Variants in RNF216 observed in about 807,000 individuals in gnomAD.
RNF216 encodes the protein ring finger protein 216, also known as E3 ubiquitin-protein ligase RNF216.
Under a neutral mutation model 110.8 loss-of-function variants are expected in RNF216, and 72 were observed. The observed-to-expected ratio is 0.65, with a 90% CI of 0.54 to 0.79. RNF216 has a LOEUF of 0.79. Among genes scored for constraint, RNF216 ranks in the 30% least tolerant of loss-of-function variants. The pLI, the probability that RNF216 is intolerant of heterozygous loss-of-function variation, is 0.00. For synonymous variants in RNF216, 495 were observed against 407.5 expected, an observed-to-expected ratio of 1.21 and a Z score of -2.59; for missense variants, 1,342 against 1,141.2, an observed-to-expected ratio of 1.18 and a Z score of -2.54.
intron 8 of RNF216, among the ~76,000 whole-genome samples, chr7:5,723,244 C>T (rs567859599): frequency 3.8e-4 from 58 of 152,258 alleles, no homozygotes; most frequent in Non-Finnish European, 7.2e-4. Flanking sequence ...ATTATCAATG[C>T]TACAAATTAA....
At chr7:5,751,978 G>T (rs1017488258) in intron 3 of RNF216, among the ~76,000 whole-genome samples, 3 of 152,000 alleles carry the variant, frequency 2.0e-5, no homozygotes, top group Non-Finnish European at 4.4e-5. Context: ...ACGAGGTCAG[G>T]AGTTCAAGAC....
At chr7:5,630,267 T>A (rs1786990423) in intron 15 of RNF216, among the ~76,000 whole-genome samples, 2 of 152,066 alleles carry the variant, frequency 1.3e-5, no homozygotes, top group Non-Finnish European at 2.9e-5. Flanking sequence ...CGGGAAGAAC[T>A]ACAACTCTGG....
intron 6 of RNF216, 103 bp downstream of exon 6, chr7:5,730,612 T>C: frequency 1.9e-6 from 3 of 1,552,998 alleles, no homozygotes; most frequent in Non-Finnish European, 1.7e-6. Context: ...TAAAAACTTG[T>C]CCCAACAAAG....
chr7:5,643,748 G>A (rs746311396), intron 14 of RNF216, among the ~76,000 whole-genome samples: 2 of 152,102 alleles, frequency 1.3e-5, no homozygotes, highest in Admixed American at 6.5e-5. Context: ...GAGTATTCAC[G>A]ATGTTATACA....
intron 1 of RNF216, among the ~76,000 whole-genome samples, chr7:5,764,293 A>C (rs1489899095): frequency 6.6e-6 from 1 of 152,128 alleles, no homozygotes; most frequent in Non-Finnish European, 1.5e-5. Flanking sequence ...CAGTAGTAAA[A>C]ATAAAACCAC....
rs536985754 is a variant in RNF216 at position 5,739,572 on chromosome 7, C to G, written c.1045-220G>C. The G allele has an allele frequency of 9.9e-4, 622 of 625,818 alleles. 5 individuals carry two copies. Among genetic ancestry groups the G allele is most frequent in the South Asian group, 9.1e-3 (604 of 66,046 alleles). 38.8% of individuals were successfully genotyped at this position (625,818 alleles called of 1,614,324 possible). A position where few individuals can be genotyped will look rare whatever the true frequency, so the allele number is the denominator to read the frequency against. On this transcript the variant is annotated intron_variant, in intron 4 of 16. Transcript: ENST00000389902. ...GGTCTTGAGAGATCTGGTTCTCTGTCCCCATTTTACAGATCCATTCTTCAT... is the reference window on the plus strand; with the variant it reads ...GGTCTTGAGAGATCTGGTTCTCTGTGCCCATTTTACAGATCCATTCTTCAT...
intron 13 of RNF216, among the ~76,000 whole-genome samples, chr7:5,660,812 C>T (rs1317659488): frequency 1.3e-5 from 2 of 151,548 alleles, no homozygotes; most frequent in East Asian, 1.9e-4. Context: ...TCAAGCAATC[C>T]GCAAGCTTCA....
Position 5,696,642 on chromosome 7 carries a change from C to A in RNF216, c.2061+15119G>T, listed in dbSNP as rs1242241781. On this transcript the variant is annotated intron_variant, in intron 13 of 16. Transcript: ENST00000389902. The surrounding 1 kb of genome is among the most constrained non-coding windows in gnomAD (Gnocchi z 5.4). Reference sequence around the variant, plus strand: ...TCTTCCTTGGCTGCTGCCATCCTCGCTTTTGACTACTGCCCCACGTCTCCC... The same window carrying A: ...TCTTCCTTGGCTGCTGCCATCCTCGATTTTGACTACTGCCCCACGTCTCCC... Among the ~76,000 whole-genome samples, 3 of 152,202 alleles carry A rather than the reference C, an allele frequency of 2.0e-5. No homozygotes were observed. Among genetic ancestry groups the A allele is most frequent in the Non-Finnish European group, 4.4e-5 (3 of 68,040 alleles).
At chr7:5,744,062 C>G (rs1326162757) in intron 3 of RNF216, among the ~76,000 whole-genome samples, 10 of 152,080 alleles carry the variant, frequency 6.6e-5, no homozygotes. Flanking sequence ...TAACAGACAA[C>G]AGAAACAAAT....
intron 3 of RNF216, among the ~76,000 whole-genome samples, chr7:5,746,096 G>C (rs1347155749): frequency 6.6e-6 from 1 of 152,134 alleles, no homozygotes; most frequent in Non-Finnish European, 1.5e-5. Context: ...AGGAAAAACG[G>C]CTAACTCCCT....
At position 5,752,961 on chromosome 7, in the gene RNF216, T is replaced by C; in HGVS notation, c.86A>G (p.Asp29Gly). 1 of 1,611,222 alleles carries C rather than the reference T, an allele frequency of 6.2e-7. No homozygotes were observed. Among genetic ancestry groups the C allele is most frequent in the Non-Finnish European group, 8.5e-7 (1 of 1,178,804 alleles). ...GGAGTCAGATATGGTGATGGGCCCA[T>C]CTCGGAGATTGATCCACTCTACAGG... ...HRGQEWINLR[D>G]GPITISDSSD... is the part of the protein sequence containing the mutation. Residue 29 changes from aspartate to glycine, a missense_variant, in exon 3 of 17, where the codon GAT becomes GGT. Physicochemically the swap from Asp to Gly is moderately conservative, Grantham distance 94. Transcript: ENST00000389902.
intron 1 of RNF216, among the ~76,000 whole-genome samples, chr7:5,778,299 T>C (rs1235643021): frequency 6.6e-6 from 1 of 152,234 alleles, no homozygotes; most frequent in Admixed American, 6.5e-5. Context: ...ACTACTCTTC[T>C]TCACTGCCTC....
At chr7:5,772,311 G>C (rs918605598) in intron 1 of RNF216, among the ~76,000 whole-genome samples, 2 of 152,156 alleles carry the variant, frequency 1.3e-5, no homozygotes, top group African/African-American at 4.8e-5. Context: ...AATAGTCTTT[G>C]AATCTCCTCA....
intron 13 of RNF216, among the ~76,000 whole-genome samples, chr7:5,704,069 G>C (rs1042599800): frequency 6.6e-6 from 1 of 152,108 alleles, no homozygotes; most frequent in Non-Finnish European, 1.5e-5. Flanking sequence ...GAACACACAA[G>C]GGAGCTGAGA....
intron 5 of RNF216, among the ~76,000 whole-genome samples, chr7:5,731,154 GCTA>G (rs1794064543): frequency 6.6e-6 from 1 of 152,168 alleles, no homozygotes; most frequent in African/African-American, 2.4e-5. Flanking sequence ...AAGAAAAGCA[GCTA>G]CTCTTTGTCG....
intron 14 of RNF216, among the ~76,000 whole-genome samples, chr7:5,647,271 G>T (rs555649928): frequency 6.6e-6 from 1 of 150,934 alleles, no homozygotes; most frequent in East Asian, 1.9e-4. Context: ...CTAAAGTTTG[G>T]TGAACAATGC....
chr7:5,753,111 C>G (rs1302258604), intron 2 of RNF216, 132 bp from the exon 3 acceptor site: 1 of 820,154 alleles, frequency 1.2e-6, no homozygotes, highest in East Asian at 2.9e-5. Flanking sequence ...CCTCAAGCAG[C>G]CCGTGCACTT....
intron 7 of RNF216, 112 bp from the exon 8 acceptor site, chr7:5,725,550 G>T: frequency 1.5e-6 from 1 of 681,028 alleles, no homozygotes; most frequent in Non-Finnish European, 2.6e-6. Flanking sequence ...ACCCAGCATG[G>T]CTAACAATTG....
intron 8 of RNF216, among the ~76,000 whole-genome samples, chr7:5,722,880 A>G (rs984450562): frequency 6.6e-6 from 1 of 151,888 alleles, no homozygotes; most frequent in Admixed American, 6.6e-5. Context: ...CCTGTAATTA[A>G]TTCCAGCTAC....
Sources: allele counts gnomAD v4.1 joint callset (sites outside exome capture counted in the v4.1 genomes callset), GRCh38; gene constraint gnomAD v4.1.1; non-coding constraint Gnocchi (gnomAD v3.1); transcripts MANE v1.5; gene names NCBI Gene and HGNC (gene_info 2026-07-23, HGNC 2026-07-21).